CFAP96: variants seen among roughly 807,000 people sequenced by gnomAD.
CFAP96 encodes the protein cilia-and flagella-associated protein 96.
At chr4:185,425,811 G>C in the CFAP96 span, 1 of 1,584,464 alleles carries the variant, frequency 6.3e-7, no homozygotes, top group Non-Finnish European at 8.6e-7. Context: ...CGCTCGTGGC[G>C]GCTGCCAAAG....
At chr4:185,429,780 C>T in the CFAP96 span, among the ~76,000 whole-genome samples, 9 of 152,088 alleles carry the variant, frequency 5.9e-5, no homozygotes, top group South Asian at 1.9e-3. Flanking sequence ...AGGGTTCCTC[C>T]CATCTTCAGC....
At chr4:185,439,006 A>G in the CFAP96 span, among the ~76,000 whole-genome samples, 2 of 152,198 alleles carry the variant, frequency 1.3e-5, no homozygotes, top group Admixed American at 1.3e-4. Context: ...TCAACTGAAC[A>G]TTCTAGGGCA....
At chr4:185,442,567 A>C in the CFAP96 span, among the ~76,000 whole-genome samples, 2 of 152,022 alleles carry the variant, frequency 1.3e-5, no homozygotes, top group African/African-American at 4.8e-5. Flanking sequence ...TTGCAGCTCT[A>C]TATTATCTGC....
At chr4:185,410,121 G>C in the CFAP96 span, among the ~76,000 whole-genome samples, 1 of 151,798 alleles carries the variant, frequency 6.6e-6, no homozygotes, top group Non-Finnish European at 1.5e-5. Flanking sequence ...CTGACCAGGA[G>C]GCAAGAGTCA....
At chr4:185,418,436 C>G in the CFAP96 span, 1 of 1,598,926 alleles carries the variant, frequency 6.3e-7, no homozygotes, top group South Asian at 1.1e-5. Flanking sequence ...AGATAGTTTG[C>G]TTACCATGTC....
At chr4:185,420,355 G>A in the CFAP96 span, among the ~76,000 whole-genome samples, 92 of 151,970 alleles carry the variant, frequency 6.1e-4, no homozygotes, top group Non-Finnish European at 7.4e-4. Context: ...ACATTTTTAC[G>A]TTTCCAAAGT....
At chr4:185,433,624 G>C in the CFAP96 span, among the ~76,000 whole-genome samples, 3 of 152,038 alleles carry the variant, frequency 2.0e-5, no homozygotes, top group East Asian at 1.9e-4. Flanking sequence ...ATTTTTGGCC[G>C]GGCACGGTGG....
At chr4:185,416,245 G>A in the CFAP96 span, among the ~76,000 whole-genome samples, 6 of 152,276 alleles carry the variant, frequency 3.9e-5, no homozygotes, top group African/African-American at 1.4e-4. Flanking sequence ...ATGAATAAAC[G>A]TTAAAGCCAC....
the CFAP96 span, among the ~76,000 whole-genome samples, chr4:185,436,667 G>A: frequency 3.3e-5 from 5 of 151,098 alleles, no homozygotes; most frequent in African/African-American, 1.2e-4. Context: ...CCAAGGTCGC[G>A]CCACTGCACT....
chr4:185,441,304 T>G, the CFAP96 span, among the ~76,000 whole-genome samples: 2 of 152,064 alleles, frequency 1.3e-5, no homozygotes, highest in Non-Finnish European at 2.9e-5. Context: ...AGTCAATACT[T>G]TTTTTTTCTG....
At chr4:185,443,340 A>ATTTT in the CFAP96 span, among the ~76,000 whole-genome samples, 48 of 28,470 alleles carry the variant, frequency 1.7e-3, no homozygotes, top group African/African-American at 3.8e-3. Flanking sequence ...ATATATATAT[A>ATTTT]TATTTTTTTT....
chr4:185,418,069 A>ACACACACACACACAC, the CFAP96 span, among the ~76,000 whole-genome samples: 9 of 22,780 alleles, frequency 4.0e-4, no homozygotes, highest in South Asian at 9.5e-4. Flanking sequence ...CACACACACA[A>ACACACACACACACAC]ACAACAGAAC....
At chr4:185,413,943 A>G in the CFAP96 span, 1 of 1,366,812 alleles carries the variant, frequency 7.3e-7, no homozygotes. Context: ...ATAAATAAAG[A>G]TGTTATTAAA....
At chr4:185,424,910 G>A in the CFAP96 span, among the ~76,000 whole-genome samples, 1 of 152,162 alleles carries the variant, frequency 6.6e-6, no homozygotes, top group Non-Finnish European at 1.5e-5. Flanking sequence ...CTAGACTTCC[G>A]AATTAGCTGA....
chr4:185,438,679 ATATT>A, the CFAP96 span, among the ~76,000 whole-genome samples: 1 of 152,154 alleles, frequency 6.6e-6, no homozygotes, highest in African/African-American at 2.4e-5. Flanking sequence ...ATTCTTATAA[ATATT>A]CTCGGGCTTT....
the CFAP96 span, among the ~76,000 whole-genome samples, chr4:185,424,036 C>T: frequency 2.6e-5 from 4 of 151,986 alleles, no homozygotes; most frequent in South Asian, 8.3e-4. Context: ...TGCAGTGGCT[C>T]ACGCCTGTAA....
the CFAP96 span, among the ~76,000 whole-genome samples, chr4:185,428,638 T>A: frequency 2.0e-5 from 3 of 152,070 alleles, no homozygotes; most frequent in African/African-American, 7.2e-5. Flanking sequence ...AAGAGTTGCA[T>A]GTTTAATATT....
chr4:185,415,912 C>CTAAATA, the CFAP96 span: 1 of 1,459,610 alleles, frequency 6.9e-7, no homozygotes, highest in Non-Finnish European at 9.2e-7. Flanking sequence ...GCATTAAACA[C>CTAAATA]TAAATATAAA....
chr4:185,437,976 C>CACTATGTCCTTTCCTCTGGTCTGT, the CFAP96 span, among the ~76,000 whole-genome samples: 1 of 151,856 alleles, frequency 6.6e-6, no homozygotes, highest in Non-Finnish European at 1.5e-5. Context: ...TGTTCTTCTG[C>CACTATGTCCTTTCCTCTGGTCTGT]ATGCACTATG....
Sources: gnomAD v4.1 joint callset for allele counts (sites outside exome capture counted in the v4.1 genomes callset) on GRCh38, gnomAD v4.1.1 for gene constraint, MANE v1.5 for transcripts, NCBI Gene and HGNC (gene_info 2026-07-23, HGNC 2026-07-21) for gene names.